The following KCNH7 variants were observed in gnomAD, a reference collection of about 807,000 sequenced individuals.
KCNH7 encodes the protein potassium voltage-gated channel subfamily H member 7, also known as voltage-gated inwardly rectifying potassium channel KCNH7.
KCNH7 carries 49 observed loss-of-function variants against 120.8 expected under a neutral mutation model. That is an observed-to-expected ratio of 0.41 (90% CI 0.32 to 0.51). The LOEUF is 0.51. KCNH7 is among the 20% of genes least tolerant of loss of function. The probability of loss-of-function intolerance (pLI) is 0.38; values close to 1 mark genes in which losing one functional copy is unlikely to be tolerated. For missense variants in KCNH7, 1,097 were observed against 1,446.6 expected (o/e 0.76, Z 3.92); for synonymous variants, 547 against 516.1 (o/e 1.06, Z -0.81).
At chr2:162,551,429 A>G (rs544571980) in intron 2 of KCNH7, among the ~76,000 whole-genome samples, 41 of 152,284 alleles carry the variant, frequency 2.7e-4, no homozygotes, top group Non-Finnish European at 4.7e-4. Context: ...AGAATTGGAA[A>G]ACCTAGCAAG....
At chr2:162,698,114 TCTC>T (rs1436678222) in intron 2 of KCNH7, among the ~76,000 whole-genome samples, 1 of 152,154 alleles carries the variant, frequency 6.6e-6, no homozygotes, top group African/African-American at 2.4e-5. Flanking sequence ...TCTAATTACT[TCTC>T]CTCAACCTTG....
At chr2:162,619,458 G>GT (rs1484374197) in intron 2 of KCNH7, among the ~76,000 whole-genome samples, 1 of 92,558 alleles carries the variant, frequency 1.1e-5, no homozygotes, top group Non-Finnish European at 2.0e-5. Context: ...ACACTCAATT[G>GT]TTAAAAAAAA....
chr2:162,442,004 T>TTC (rs1688433930), intron 7 of KCNH7, among the ~76,000 whole-genome samples: 1 of 84,826 alleles, frequency 1.2e-5, no homozygotes, highest in East Asian at 3.2e-4. Flanking sequence ...GTCTTCTTTT[T>TTC]TTTTTTTTTT....
At position 162,833,186 on chromosome 2, in the gene KCNH7, T is replaced by G. The variant is rs545345667; in HGVS notation, c.307+3351A>C. ...TTAAGGTCAAAGTCACATTTGTAAA[T>G]ATGCCTGAAGGGGTTTAGCACTTAA... On this transcript the variant is annotated intron_variant, in intron 2 of 15. Coordinates refer to ENST00000332142, the MANE Select transcript of KCNH7 (RefSeq NM_033272.4). Among the ~76,000 whole-genome samples, 7 of 152,248 alleles carry G rather than the reference T, an allele frequency of 4.6e-5. 1 individual carries two copies. The highest frequency in any genetic ancestry group is 1.7e-4 in the African/African-American group (7 of 41,552).
chr2:162,658,594 T>C (rs1684850506), intron 2 of KCNH7, among the ~76,000 whole-genome samples: 1 of 152,180 alleles, frequency 6.6e-6, no homozygotes, highest in Non-Finnish European at 1.5e-5. Context: ...GCAATCTTCC[T>C]GTCTATGAAC....
chr2:162,485,398 T>C (rs1357729583), intron 6 of KCNH7, among the ~76,000 whole-genome samples: 1 of 152,226 alleles, frequency 6.6e-6, no homozygotes, highest in Non-Finnish European at 1.5e-5. Context: ...AGTTTTTAAT[T>C]GCTTTCAAGT....
At chr2:162,670,035 G>A (rs953319972) in intron 2 of KCNH7, among the ~76,000 whole-genome samples, 1 of 152,132 alleles carries the variant, frequency 6.6e-6, no homozygotes, top group East Asian at 1.9e-4. Context: ...AGGAGGTGGA[G>A]GTTGTAGTGA....
chr2:162,381,896 TG>T (rs1341108162), intron 13 of KCNH7, among the ~76,000 whole-genome samples: 1 of 152,068 alleles, frequency 6.6e-6, no homozygotes, highest in Non-Finnish European at 1.5e-5. Flanking sequence ...CTTAGCAAAC[TG>T]GGATTTAAAG....
intron 2 of KCNH7, among the ~76,000 whole-genome samples, chr2:162,570,169 C>T (rs1314584423): frequency 6.7e-6 from 1 of 149,088 alleles, no homozygotes; most frequent in Non-Finnish European, 1.5e-5. Flanking sequence ...GAGTCTAAGT[C>T]TCTTTGTAGG....
At chr2:162,719,275 T>A (rs968831768) in intron 2 of KCNH7, among the ~76,000 whole-genome samples, 11 of 152,070 alleles carry the variant, frequency 7.2e-5, no homozygotes, top group African/African-American at 1.4e-4. Context: ...AATCCATTCT[T>A]TTAAGGAAAA....
intron 9 of KCNH7, among the ~76,000 whole-genome samples, chr2:162,415,100 T>C (rs1184646261): frequency 6.6e-6 from 1 of 151,902 alleles, no homozygotes; most frequent in African/African-American, 2.4e-5. Flanking sequence ...TGAGAGTTCC[T>C]GACAAACAAC....
chr2:162,451,709 T>C (rs1688776150), intron 6 of KCNH7, among the ~76,000 whole-genome samples: 1 of 152,004 alleles, frequency 6.6e-6, no homozygotes, highest in Admixed American at 6.6e-5. Context: ...AGATAGATAG[T>C]TTGATCAATC....
chr2:162,830,544 C>T (rs1032914343), intron 2 of KCNH7, among the ~76,000 whole-genome samples: 1 of 152,158 alleles, frequency 6.6e-6, no homozygotes, highest in African/African-American at 2.4e-5. Context: ...ACAAGTTCAT[C>T]TAGTTGTTAT....
chr2:162,416,279 A>C (rs1453126107), intron 9 of KCNH7, among the ~76,000 whole-genome samples: 1 of 151,682 alleles, frequency 6.6e-6, no homozygotes, highest in Non-Finnish European at 1.5e-5. Flanking sequence ...AGGCTGAGAC[A>C]GGAGAATCGC....
chr2:162,373,929 C>A (rs1686061569), intron 14 of KCNH7, among the ~76,000 whole-genome samples: 1 of 152,048 alleles, frequency 6.6e-6, no homozygotes, highest in African/African-American at 2.4e-5. Context: ...GTTTACTAAC[C>A]TTCATTGATT....
intron 2 of KCNH7, among the ~76,000 whole-genome samples, chr2:162,599,647 T>C (rs1314726631): frequency 1.3e-5 from 2 of 152,040 alleles, no homozygotes; most frequent in African/African-American, 2.4e-5. Flanking sequence ...TCTCTTTTTT[T>C]TTTACGGTTT....
intron 2 of KCNH7, among the ~76,000 whole-genome samples, chr2:162,614,302 A>C (rs1006493261): frequency 6.6e-6 from 1 of 152,120 alleles, no homozygotes; most frequent in African/African-American, 2.4e-5. Context: ...GGTTGTACTT[A>C]CTTCATCATA....
At chr2:162,405,275 T>A (rs1162012087) in intron 9 of KCNH7, among the ~76,000 whole-genome samples, 4 of 152,002 alleles carry the variant, frequency 2.6e-5, no homozygotes, top group Non-Finnish European at 4.4e-5. Context: ...AATTTGTTCT[T>A]TTAAGTGAAT....
chr2:162,768,371 A>T (rs773187900), intron 2 of KCNH7, among the ~76,000 whole-genome samples: 3 of 152,080 alleles, frequency 2.0e-5, no homozygotes, highest in Non-Finnish European at 4.4e-5. Context: ...ATGTTTTACC[A>T]CATGGAGGGA....
Sources: allele counts gnomAD v4.1 joint callset (sites outside exome capture counted in the v4.1 genomes callset), GRCh38; gene constraint gnomAD v4.1.1; transcripts MANE v1.5; gene names NCBI Gene and HGNC (gene_info 2026-07-23, HGNC 2026-07-21).